Variants in KNL1 observed in about 807,000 individuals in gnomAD.
The protein encoded by KNL1 is kinetochore scaffold 1.
In KNL1, 66 loss-of-function variants were observed where a neutral mutation model predicts 201.3. The observed-to-expected ratio is 0.33, with a 90% CI of 0.27 to 0.40. KNL1 has a LOEUF of 0.40. Among genes scored for constraint, KNL1 ranks in the 10% least tolerant of loss-of-function variants. The probability of loss-of-function intolerance (pLI) is 1.00; values close to 1 mark genes in which losing one functional copy is unlikely to be tolerated. For synonymous variants in KNL1, 895 were observed against 899.2 expected, an observed-to-expected ratio of 1.00 and a Z score of 0.08; for missense variants, 2,815 against 2,690.5, an observed-to-expected ratio of 1.05 and a Z score of -1.02.
At chr15:40,630,355 T>C (rs1241684530) in intron 13 of KNL1, among the ~76,000 whole-genome samples, 1 of 152,234 alleles carries the variant, frequency 6.6e-6, no homozygotes, top group East Asian at 1.9e-4. Context: ...TTATAGAGAC[T>C]ACATCATCTA....
At position 40,623,397 on chromosome 15, in the gene KNL1, A is replaced by G; in HGVS notation, c.3133A>G (p.Ile1045Val). 6.2e-7 allele frequency: 1 copy of G among 1,614,046 alleles called. No individual in the cohort carries two copies. Among genetic ancestry groups the G allele is most frequent in the Non-Finnish European group, 8.5e-7 (1 of 1,179,936 alleles). ...ELSKSATCKN[I>V]KDVQSPGFLN... ...GTCTAAATCAGCCACTTGCAAAAAC[A>G]TCAAAGATGTACAAAGTCCTGGATT... Residue 1045 changes from isoleucine (I) to valine (V), a missense_variant, in exon 10 of 26, where the codon ATC becomes GTC. Around this residue, in one of 3 missense-constraint regions of KNL1, gnomAD observed 2,464 missense variants for 2,291.7 expected, o/e 1.08. Transcript: ENST00000399668.
At chr15:40,647,769 G>T (rs566194983) in intron 17 of KNL1, among the ~76,000 whole-genome samples, 190 of 152,212 alleles carry the variant, frequency 1.2e-3, no homozygotes, top group African/African-American at 4.5e-3. Flanking sequence ...ACCTCTTTCA[G>T]CATTTGACAC....
chr15:40,650,115 C>G (rs1893508713), intron 17 of KNL1, 186 bp from the exon 18 acceptor site: 1 of 480,046 alleles, frequency 2.1e-6, no homozygotes, highest in Non-Finnish European at 3.7e-6. Context: ...ACCTTACTTT[C>G]TCTTTCACAG....
At position 40,624,765 on chromosome 15, in the gene KNL1, G is replaced by A. The variant is rs761389089; in HGVS notation, c.4501G>A (p.Ala1501Thr). 4 of 1,613,692 alleles carry A rather than the reference G, an allele frequency of 2.5e-6. No individual in the cohort carries two copies. Among genetic ancestry groups the A allele is most frequent in the Admixed American group, 1.7e-5 (1 of 59,974 alleles). The change falls in exon 10 of 26, where the codon GCA becomes ACA. Residue 1501 changes from alanine (A) to threonine (T), a missense_variant. Physicochemically the swap from Ala to Thr is moderately conservative, Grantham distance 58 (BLOSUM62 0). This residue lies in a region of KNL1 where 2,464 missense variants were observed against 2,291.7 expected (regional missense o/e 1.08). Transcript: ENST00000399668. ...KILNSEEWFAAACKKELKENI... is the reference protein window; with the variant it reads ...KILNSEEWFATACKKELKENI... ...ACTCAATAGTGAGGAATGGTTTGCT[G>A]CAGCCTGTAAAAAAGAACTGAAGGA...
chr15:40,625,854 C>A (rs1053880107), intron 10 of KNL1: 6 of 450,762 alleles, frequency 1.3e-5, no homozygotes, highest in African/African-American at 4.0e-5. Flanking sequence ...GACAAATAGT[C>A]ACAAAAAAAT....
rs1892068664 is a variant in KNL1 at position 40,608,984 on chromosome 15, G to T, written c.197+76G>T. On this transcript the variant is annotated intron_variant, in intron 5 of 25. Coordinates refer to ENST00000399668, the MANE Select transcript of KNL1 (RefSeq NM_144508.5). ...GTATCAAACCAAATGTATTGGTACT[G>T]ACTTGAATAATCTGTTTTGATTAAA... 3.3e-6 allele frequency: 3 copies of T among 902,110 alleles called. No individual in the cohort carries two copies. In the South Asian group the frequency reaches 4.2e-5, roughly 13 times the overall value. The allele number at this position is 902,110 out of a possible 1,614,324, so 55.9% of individuals were successfully genotyped here.
rs187414039 is a variant in KNL1, at chr15:40,622,058, C to T, written c.1794C>T (p.Thr598=). The T allele has an allele frequency of 7.7e-5, 124 of 1,613,760 alleles. No homozygotes were observed. The Middle Eastern group carries it at 1.8e-3, about 24-fold the overall frequency. ...CTTATAATCTAGCACCGGAGAGTAC[C>T]AGTGAATCTCACTCTCAGAGCAAAA... ...LAAYNLAPES[T]SESHSQSKSS... Residue 598 remains threonine (T), a synonymous_variant, in exon 10 of 26, where the codon ACC becomes ACT. Transcript: ENST00000399668.
At chr15:40,654,763 G>A (rs1893669918) in intron 21 of KNL1, 146 bp from the exon 22 acceptor site, 2 of 578,798 alleles carry the variant, frequency 3.5e-6, no homozygotes, top group East Asian at 6.2e-5. Context: ...CAGCTACTCA[G>A]GAGGCTGAGG....
At position 40,622,455 on chromosome 15, in the gene KNL1, A is replaced by G. The variant is rs1892572445; in HGVS notation, c.2191A>G (p.Lys731Glu). The G allele has an allele frequency of 6.2e-7, 1 of 1,613,992 alleles. No homozygotes were observed. The highest frequency in any genetic ancestry group is 8.5e-7 in the Non-Finnish European group (1 of 1,179,910). The change falls in exon 10 of 26, where the codon AAA (lysine) becomes GAA (glutamate). Residue 731 changes from lysine (K) to glutamate (E), a missense_variant. By Grantham distance (56) the Lys-to-Glu change is moderately conservative. Transcript: ENST00000399668. ...GAAATCTGTACTAGGCCAGAATTCT[A>G]AACTGGCTGAGCCACTGAGGAAAAG... ...TVKSVLGQNSKLAEPLRKSLS... is the reference protein window; with the variant it reads ...TVKSVLGQNSELAEPLRKSLS...
intron 1 of KNL1, among the ~76,000 whole-genome samples, chr15:40,600,070 G>T (rs1462858481): frequency 7.3e-6 from 1 of 136,156 alleles, no homozygotes; most frequent in African/African-American, 2.7e-5. Flanking sequence ...ATTTATTTGG[G>T]ATTCCTTTTT....
At chr15:40,628,258 T>G (rs1401672027) in intron 11 of KNL1, 50 bp downstream of exon 11, 1 of 1,515,804 alleles carries the variant, frequency 6.6e-7, no homozygotes. Flanking sequence ...CTTACTTAAC[T>G]AATAATAAGT....
At position 40,621,924 on chromosome 15, in the gene KNL1, C is replaced by G. The variant is rs1325179180; in HGVS notation, c.1660C>G (p.Pro554Ala). 1.9e-6 allele frequency: 3 copies of G among 1,613,584 alleles called. No homozygotes were observed. Among genetic ancestry groups the G allele is most frequent in the Non-Finnish European group, 2.5e-6 (3 of 1,179,658 alleles). The change falls in exon 10 of 26, where the codon CCT (proline) becomes GCT (alanine). Residue 554 changes from proline (P) to alanine (A), a missense_variant. Pro to Ala is a conservative substitution (Grantham distance 27). Transcript: ENST00000399668. Reference protein sequence around the residue: ...KERIQQSLSNPLSISLTDRKT... With the variant: ...KERIQQSLSNALSISLTDRKT... ...AAGAATACAGCAGAGCCTGTCAAAT[C>G]CTTTGTCTATTTCATTGACTGATAG...
chr15:40,652,415 G>A (rs1215239850), intron 21 of KNL1, among the ~76,000 whole-genome samples: 2 of 149,094 alleles, frequency 1.3e-5, no homozygotes, highest in Non-Finnish European at 3.0e-5. Context: ...TCCATCTTTC[G>A]TGATAGAGAA....
In KNL1 at chr15:40,624,062, A is replaced by T; in HGVS notation, c.3798A>T (p.Thr1266=). The change falls in exon 10 of 26, where the codon ACA becomes ACT. Residue 1266 remains threonine, a synonymous_variant. Coordinates refer to ENST00000399668, the MANE Select transcript of KNL1 (RefSeq NM_144508.5). The part of the protein sequence containing the change: ...VIGKVVDQAC[T]LEKAQVESCQ... ...GGAAAGTTGTAGACCAGGCCTGTAC[A>T]TTGGAAAAAGCGCAAGTTGAAAGCT... 6.2e-7 allele frequency: 1 copy of T among 1,614,084 alleles called. No homozygotes were observed. The highest frequency in any genetic ancestry group is 1.1e-5 in the South Asian group (1 of 91,086).
intron 19 of KNL1, among the ~76,000 whole-genome samples, chr15:40,650,955 A>G (rs1313445364): frequency 6.6e-6 from 1 of 152,158 alleles, no homozygotes; most frequent in Non-Finnish European, 1.5e-5. Context: ...CTAAAATTCT[A>G]GTTGACAACA....
At chr15:40,606,046 A>G (rs887382329) in intron 3 of KNL1, among the ~76,000 whole-genome samples, 1 of 152,230 alleles carries the variant, frequency 6.6e-6, no homozygotes, top group African/African-American at 2.4e-5. Flanking sequence ...TAGCTTGATT[A>G]TCCTGATATG....
chr15:40,652,256 AT>A (rs1204360654), intron 21 of KNL1, 151 bp downstream of exon 21: 1 of 425,160 alleles, frequency 2.4e-6, no homozygotes, highest in Non-Finnish European at 4.2e-6. Context: ...TGATAGCAGA[AT>A]TTTATTTTAT....
rs866423392 is a variant in KNL1 at position 40,629,149 on chromosome 15, G to A, written c.5584-124G>A. 1.9e-5 allele frequency: 10 copies of A among 538,022 alleles called. No homozygotes were observed. In the Middle Eastern group the frequency reaches 2.9e-3, roughly 155 times the overall value. The allele number at this position is 538,022 out of a possible 1,614,324, so 33.3% of individuals were successfully genotyped here. A position where few individuals can be genotyped will look rare whatever the true frequency, so the allele number is the denominator to read the frequency against. ...AAAATCTGCTCATGTATAGCCTGCA[G>A]ATATCTGGATAATATTTCCATAAAT... is the stretch of plus-strand genomic sequence containing the variant. On this transcript the variant is annotated intron_variant, in intron 12 of 25. Transcript: ENST00000399668.
chr15:40,653,249 T>G (rs1453271457), intron 21 of KNL1, among the ~76,000 whole-genome samples: 1 of 152,186 alleles, frequency 6.6e-6, no homozygotes, highest in Non-Finnish European at 1.5e-5. Context: ...AGTGCAGTAG[T>G]GCAATCTCTG....
Sources: gnomAD v4.1 joint callset for allele counts (sites outside exome capture counted in the v4.1 genomes callset) on GRCh38, gnomAD v4.1.1 for gene constraint, gnomAD v4.1.1 regional missense constraint, MANE v1.5 for transcripts, NCBI Gene and HGNC (gene_info 2026-07-23, HGNC 2026-07-21) for gene names.